The following TMEM117 variants were observed in gnomAD, a reference collection of about 807,000 sequenced individuals.
The protein encoded by TMEM117 is transmembrane protein 117.
TMEM117 carries 27 observed loss-of-function variants against 52.4 expected under a neutral mutation model. The observed-to-expected ratio is 0.51, with a 90% CI of 0.38 to 0.71. The LOEUF (loss-of-function observed/expected upper bound fraction) is 0.71, where lower values mean the gene tolerates loss of function less well. Ranked by LOEUF, TMEM117 falls within the 30% of genes least tolerant of loss-of-function variation. TMEM117 has a pLI of 0.00. For missense variants in TMEM117, 556 were observed against 630.5 expected (o/e 0.88, Z 1.26); for synonymous variants, 215 against 206.3 (o/e 1.04, Z -0.36).
At chr12:43,897,466 C>A (rs184491950) in intron 2 of TMEM117, among the ~76,000 whole-genome samples, 1 of 151,846 alleles carries the variant, frequency 6.6e-6, no homozygotes, top group African/African-American at 2.4e-5. Context: ...CATGCACCAC[C>A]ATGGCCCAGC....
chr12:43,990,756 C>G (rs1945924602), intron 3 of TMEM117, among the ~76,000 whole-genome samples: 1 of 152,054 alleles, frequency 6.6e-6, no homozygotes, highest in Non-Finnish European at 1.5e-5. Context: ...ACAGATGAAG[C>G]TGAGAGAGGC....
intron 6 of TMEM117, among the ~76,000 whole-genome samples, chr12:44,331,817 A>G (rs1423237695): frequency 3.9e-5 from 6 of 152,008 alleles, no homozygotes; most frequent in Admixed American, 1.3e-4. Flanking sequence ...CATGCCTGCT[A>G]CTAGCCTTCA....
intron 7 of TMEM117, among the ~76,000 whole-genome samples, chr12:44,378,388 A>G (rs1951972246): frequency 6.6e-6 from 1 of 152,192 alleles, no homozygotes; most frequent in African/African-American, 2.4e-5. Context: ...CAGAGTTTAC[A>G]CAATGTGGAA....
chr12:43,843,930 T>A (rs1354182208), intron 1 of TMEM117, among the ~76,000 whole-genome samples: 4 of 152,224 alleles, frequency 2.6e-5, no homozygotes, highest in African/African-American at 9.6e-5. Context: ...TACACCAAAT[T>A]CATAAGCAAT....
At chr12:44,007,124 C>CT (rs1203158895) in intron 3 of TMEM117, among the ~76,000 whole-genome samples, 2 of 152,136 alleles carry the variant, frequency 1.3e-5, no homozygotes, top group Non-Finnish European at 2.9e-5. Flanking sequence ...CCTCTCACCC[C>CT]TTGTATAATG....
chr12:44,348,460 G>T (rs1396634567), intron 6 of TMEM117, among the ~76,000 whole-genome samples: 1 of 151,640 alleles, frequency 6.6e-6, no homozygotes, highest in African/African-American at 2.4e-5. Flanking sequence ...ATACCCCCTA[G>T]TCCAAAGACA....
rs530918843 is a variant in TMEM117 at position 44,243,336 on chromosome 12, A to G, written c.608+31949A>G. On this transcript the variant is annotated intron_variant, in intron 5 of 7. Coordinates refer to ENST00000266534, the MANE Select transcript of TMEM117 (RefSeq NM_032256.3). The stretch of plus-strand genomic sequence containing the variant: ...TTATAGAATATCTAGAAATGGGTCA[A>G]TAGGTCATTATCTTGTATACTTTAA... Among the ~76,000 whole-genome samples the G allele has an allele frequency of 3.3e-5, 5 of 152,064 alleles. No homozygotes were observed. The East Asian group carries it at 5.8e-4, about 18-fold the overall frequency.
At chr12:44,085,379 A>T (rs1387650865) in intron 3 of TMEM117, among the ~76,000 whole-genome samples, 1 of 152,220 alleles carries the variant, frequency 6.6e-6, no homozygotes, top group Non-Finnish European at 1.5e-5. Flanking sequence ...AAATGTAGAT[A>T]CAGAACATGT....
intron 3 of TMEM117, among the ~76,000 whole-genome samples, chr12:44,140,114 GT>G (rs1565845140): frequency 6.6e-6 from 1 of 151,982 alleles, no homozygotes; most frequent in Non-Finnish European, 1.5e-5. Context: ...CATCTGCATT[GT>G]TATAGCATCT....
At chr12:44,140,686 G>C (rs1948558473) in intron 3 of TMEM117, among the ~76,000 whole-genome samples, 1 of 151,980 alleles carries the variant, frequency 6.6e-6, no homozygotes, top group Non-Finnish European at 1.5e-5. Context: ...CCACAATCTG[G>C]TCATCAAATG....
intron 6 of TMEM117, among the ~76,000 whole-genome samples, chr12:44,359,270 T>C (rs1951691070): frequency 6.6e-6 from 1 of 151,830 alleles, no homozygotes; most frequent in Admixed American, 6.6e-5. Context: ...TGTGTATATA[T>C]ATATATGTGT....
At chr12:43,912,485 C>T (rs1944524271) in intron 2 of TMEM117, among the ~76,000 whole-genome samples, 1 of 136,736 alleles carries the variant, frequency 7.3e-6, no homozygotes, top group Non-Finnish European at 1.5e-5. Flanking sequence ...TACCCTAAAA[C>T]TTAAAGTATA....
rs1453217705 is a variant in TMEM117, at chr12:44,320,592, A to T, written c.768+20853A>T. On this transcript the variant is annotated intron_variant, in intron 6 of 7. Transcript: ENST00000266534. ...ATTTTGAAATACTTGTTGATTACCG[A>T]ATTCTGCCTTTTTAAAATAGTACAG... Among the ~76,000 whole-genome samples the T allele has an allele frequency of 2.0e-5, 3 of 152,152 alleles. 1 individual carries two copies. Among genetic ancestry groups the T allele is most frequent in the Admixed American group, 2.0e-4 (3 of 15,274 alleles).
rs1253314607 is a variant in TMEM117 at position 44,114,061 on chromosome 12, T to G, written c.411-29464T>G. On this transcript the variant is annotated intron_variant, in intron 3 of 7. Coordinates refer to ENST00000266534, the MANE Select transcript of TMEM117 (RefSeq NM_032256.3). ...AGGTGAGGCAATGCCTCGCCCTGCT[T>G]CGGCTCGCGCACGGTGCGCACACAC... is the stretch of plus-strand genomic sequence containing the variant. Among the ~76,000 whole-genome samples, 4 of 148,144 alleles carry G rather than the reference T, an allele frequency of 2.7e-5. No homozygotes were observed. The East Asian group carries it at 8.1e-4, about 30-fold the overall frequency.
chr12:44,316,993 T>G (rs1461422771), intron 6 of TMEM117, among the ~76,000 whole-genome samples: 1 of 148,700 alleles, frequency 6.7e-6, no homozygotes, highest in Non-Finnish European at 1.5e-5. Flanking sequence ...GAAATTTCTT[T>G]TTCTTTTTCT....
intron 4 of TMEM117, among the ~76,000 whole-genome samples, chr12:44,182,153 T>G (rs1949210040): frequency 6.6e-6 from 1 of 152,140 alleles, no homozygotes; most frequent in Non-Finnish European, 1.5e-5. Context: ...TGGCTCTCTG[T>G]TTGTCTGTTG....
chr12:43,884,005 C>T (rs771500598), intron 2 of TMEM117, among the ~76,000 whole-genome samples: 4 of 151,852 alleles, frequency 2.6e-5, no homozygotes, highest in Non-Finnish European at 5.9e-5. Flanking sequence ...GGCGTGATGG[C>T]TCACGCCTGT....
intron 3 of TMEM117, among the ~76,000 whole-genome samples, chr12:43,952,719 T>G (rs1236122211): frequency 6.6e-6 from 1 of 152,128 alleles, no homozygotes; most frequent in Non-Finnish European, 1.5e-5. Context: ...AAAAACACAC[T>G]TCAGGATATC....
At chr12:43,858,321 T>C (rs1943433591) in intron 2 of TMEM117, among the ~76,000 whole-genome samples, 1 of 152,216 alleles carries the variant, frequency 6.6e-6, no homozygotes, top group African/African-American at 2.4e-5. Context: ...GCAGCCGGTG[T>C]GCCTTGTCTG....
Sources: gnomAD v4.1 joint callset for allele counts (sites outside exome capture counted in the v4.1 genomes callset) on GRCh38, gnomAD v4.1.1 for gene constraint, MANE v1.5 for transcripts, NCBI Gene and HGNC (gene_info 2026-07-23, HGNC 2026-07-21) for gene names.